Variants in TENM1 observed in about 807,000 individuals in gnomAD.
TENM1 encodes the protein teneurin-1.
In TENM1, 35 loss-of-function variants were observed where a neutral mutation model predicts 174.8. That is an observed-to-expected ratio of 0.20 (90% CI 0.15 to 0.27). TENM1 has a LOEUF of 0.27. Among genes scored for constraint, TENM1 ranks in the 10% least tolerant of loss-of-function variants. The pLI is 1.00. For synonymous variants in TENM1, 781 were observed against 798.7 expected (o/e 0.98, Z 0.37); for missense variants, 1,633 against 2,130.1 (o/e 0.77, Z 4.59).
At chrX:124,708,052 C>T (rs1475883546) in intron 4 of TENM1, among the ~76,000 whole-genome samples, 12 of 112,006 alleles carry the variant, frequency 1.1e-4, no homozygotes, top group South Asian at 3.7e-4. Context: ...AGCAGTCTAC[C>T]GTATTACCTG....
chrX:124,566,207 T>TG (rs1273130499), intron 11 of TENM1, among the ~76,000 whole-genome samples: 169 of 112,190 alleles, frequency 1.5e-3, no homozygotes, highest in African/African-American at 5.2e-3. Context: ...AAGGTAAAGA[T>TG]GCCAATGATG....
intron 14 of TENM1, among the ~76,000 whole-genome samples, chrX:124,552,829 G>A (rs908894877): frequency 2.7e-5 from 3 of 111,258 alleles, no homozygotes; most frequent in African/African-American, 9.8e-5. Flanking sequence ...CTTCTCCCTG[G>A]TATCAACATG....
At chrX:124,653,515 A>G in intron 7 of TENM1, 69 bp downstream of exon 10, 7 of 916,665 alleles carry the variant, frequency 7.6e-6, no homozygotes, top group Non-Finnish European at 1.1e-5. Context: ...TTCATAAGTC[A>G]CAAACCCTGA....
At chrX:125,045,715 A>G in the TENM1 span, among the ~76,000 whole-genome samples, 1 of 111,876 alleles carries the variant, frequency 8.9e-6, no homozygotes, top group Admixed American at 9.5e-5. Flanking sequence ...GTGCAGGTAG[A>G]AAATAATCTA....
intron 1 of TENM1, among the ~76,000 whole-genome samples, chrX:124,949,381 A>G (rs2058449549): frequency 8.9e-6 from 1 of 112,163 alleles, no homozygotes; most frequent in South Asian, 3.8e-4. Context: ...AGCACTTACT[A>G]TATGACAGGG....
intron 3 of TENM1, among the ~76,000 whole-genome samples, chrX:124,829,892 C>T (rs1295774520): frequency 3.6e-5 from 4 of 112,126 alleles, no homozygotes; most frequent in African/African-American, 1.3e-4. Context: ...ATTAAAACAT[C>T]TTCATAAATA....
chrX:124,963,330 C>A (rs1454366810), intron 1 of TENM1, among the ~76,000 whole-genome samples: 1 of 112,465 alleles, frequency 8.9e-6, no homozygotes, highest in Non-Finnish European at 1.9e-5. Flanking sequence ...ACTGCAGCAT[C>A]CAAATTCATG....
intron 3 of TENM1, among the ~76,000 whole-genome samples, chrX:124,800,401 T>C (rs1027036686): frequency 9.0e-6 from 1 of 111,047 alleles, no homozygotes; most frequent in Non-Finnish European, 1.9e-5. Context: ...GAGCTGTTTA[T>C]AGTATTATGA....
At chrX:124,537,141 A>G (rs1466939172) in intron 15 of TENM1, among the ~76,000 whole-genome samples, 1 of 111,274 alleles carries the variant, frequency 9.0e-6, no homozygotes. Flanking sequence ...CTCTTTATGT[A>G]GGGTGGGAAT....
intron 1 of TENM1, among the ~76,000 whole-genome samples, chrX:124,957,631 C>G (rs752188657): frequency 9.7e-6 from 1 of 102,726 alleles, no homozygotes; most frequent in East Asian, 3.0e-4. Flanking sequence ...CACCAGATGG[C>G]AATAATGTGA....
the TENM1 span, among the ~76,000 whole-genome samples, chrX:125,067,328 C>A: frequency 9.0e-6 from 1 of 111,008 alleles, no homozygotes; most frequent in Non-Finnish European, 1.9e-5. Context: ...GCATTTTAGA[C>A]CATTTATTCC....
the TENM1 span, among the ~76,000 whole-genome samples, chrX:125,116,883 C>G: frequency 8.2e-5 from 9 of 109,735 alleles, no homozygotes; most frequent in African/African-American, 3.0e-4. Flanking sequence ...TAGTGGTGTG[C>G]GCCTATATTC....
chrX:124,448,351 A>G (rs2060989406), intron 23 of TENM1, among the ~76,000 whole-genome samples: 1 of 111,380 alleles, frequency 9.0e-6, no homozygotes, highest in South Asian at 3.8e-4. Context: ...GATCATATCT[A>G]CATTGATATG....
At chrX:124,895,504 AGTCCAACCTG>A (rs2057548057) in intron 2 of TENM1, among the ~76,000 whole-genome samples, 2 of 112,035 alleles carry the variant, frequency 1.8e-5, no homozygotes, top group East Asian at 5.6e-4. Flanking sequence ...AAACCACTTC[AGTCCAACCTG>A]GTTAATTTGC....
chrX:124,534,675 T>C (rs1159026763), intron 15 of TENM1, among the ~76,000 whole-genome samples: 1 of 111,489 alleles, frequency 9.0e-6, no homozygotes, highest in African/African-American at 3.3e-5. Flanking sequence ...TAGCAGCAGG[T>C]GGGCAGGTTA....
chrX:124,920,603 T>C (rs1243733407), intron 1 of TENM1, among the ~76,000 whole-genome samples: 1 of 111,583 alleles, frequency 9.0e-6, no homozygotes, highest in African/African-American at 3.3e-5. Flanking sequence ...TAAAAAATTG[T>C]TCTAGTTCAT....
intron 25 of TENM1, among the ~76,000 whole-genome samples, chrX:124,418,445 T>C (rs1313577281): frequency 9.1e-6 from 1 of 109,837 alleles, no homozygotes; most frequent in Non-Finnish European, 1.9e-5. Flanking sequence ...AGGCCTTTCC[T>C]GTCCACCCAA....
the TENM1 span, among the ~76,000 whole-genome samples, chrX:125,185,277 GAAC>G: frequency 8.9e-6 from 1 of 112,080 alleles, no homozygotes; most frequent in African/African-American, 3.2e-5. Flanking sequence ...TAGTCAGTAA[GAAC>G]TACTAAATAG....
At chrX:124,585,310 A>G (rs1338051550) in intron 11 of TENM1, among the ~76,000 whole-genome samples, 1 of 111,555 alleles carries the variant, frequency 9.0e-6, no homozygotes, top group Admixed American at 9.5e-5. Flanking sequence ...AGCAAATGTA[A>G]AAGATCAGAA....
Sources: gnomAD v4.1 joint callset for allele counts (sites outside exome capture counted in the v4.1 genomes callset) on GRCh38, gnomAD v4.1.1 for gene constraint, MANE v1.5 for transcripts, NCBI Gene and HGNC (gene_info 2026-07-23, HGNC 2026-07-21) for gene names.